The following ATP9A variants were observed in gnomAD, a reference collection of about 807,000 sequenced individuals.
ATP9A encodes the protein ATPase phospholipid transporting 9A.
Under a neutral mutation model 144.1 loss-of-function variants are expected in ATP9A, and 52 were observed. The observed-to-expected ratio is 0.36, with a 90% CI of 0.29 to 0.45. The LOEUF is 0.45. Among genes scored for constraint, ATP9A ranks in the 20% least tolerant of loss-of-function variants. ATP9A has a pLI of 1.00. For synonymous variants in ATP9A, 582 were observed against 557.4 expected (o/e 1.04, Z -0.62); for missense variants, 947 against 1,392.7 (o/e 0.68, Z 5.09).
At chr20:51,702,874 C>A (rs2077600111) in intron 4 of ATP9A, among the ~76,000 whole-genome samples, 1 of 152,118 alleles carries the variant, frequency 6.6e-6, no homozygotes, top group South Asian at 2.1e-4. Context: ...ACATTGATAG[C>A]AATTATTACC....
chr20:51,748,944 TAGATAGACAGAC>T (rs1427028051), intron 1 of ATP9A, among the ~76,000 whole-genome samples: 6 of 101,032 alleles, frequency 5.9e-5, no homozygotes, highest in East Asian at 2.9e-4. Flanking sequence ...GATAGATAGA[TAGATAGACAGAC>T]AGACAGACAG....
At chr20:51,651,852 C>T (rs2077368040) in intron 14 of ATP9A, among the ~76,000 whole-genome samples, 1 of 152,024 alleles carries the variant, frequency 6.6e-6, no homozygotes, top group Admixed American at 6.6e-5. Flanking sequence ...TGGTTTGAAC[C>T]CGGGAGGCGG....
intron 26 of ATP9A, 41 bp from the exon 27 acceptor site, chr20:51,605,061 C>T (rs759560530): frequency 7.2e-6 from 11 of 1,517,520 alleles, no homozygotes; most frequent in South Asian, 2.6e-5. Context: ...ACCCTCCCTG[C>T]GAAAGCCGTG....
At chr20:51,716,490 G>GA (rs11472238) in intron 3 of ATP9A, among the ~76,000 whole-genome samples, 85,400 of 137,684 alleles carry the variant, frequency 0.62, 26,280 homozygotes, top group African/African-American at 0.67. Context: ...ACCTGAAACA[G>GA]AAAAAAAAAA....
chr20:51,768,134 G>A (rs949317791), intron 1 of ATP9A, among the ~76,000 whole-genome samples, 168 bp downstream of exon 1: 2 of 151,750 alleles, frequency 1.3e-5, no homozygotes, highest in African/African-American at 2.4e-5. Context: ...GCCGCCCGGG[G>A]CTGAAGCGCA....
At chr20:51,695,900 T>G (rs935657282) in intron 6 of ATP9A, among the ~76,000 whole-genome samples, 193 bp downstream of exon 6, 2 of 152,310 alleles carry the variant, frequency 1.3e-5, no homozygotes, top group African/African-American at 2.4e-5. Flanking sequence ...TATTTTTTAA[T>G]GATCACAATC....
chr20:51,694,230 A>G, intron 6 of ATP9A, 128 bp from the exon 7 acceptor site: 1 of 635,622 alleles, frequency 1.6e-6, no homozygotes, highest in South Asian at 2.0e-5. Context: ...GAGAAAATAC[A>G]TATCCTATCT....
At chr20:51,608,867 A>G (rs865842688) in intron 24 of ATP9A, among the ~76,000 whole-genome samples, 3 of 151,564 alleles carry the variant, frequency 2.0e-5, no homozygotes, top group Non-Finnish European at 4.4e-5. Flanking sequence ...GGTAAACTCT[A>G]TGTGTGTTAG....
chr20:51,648,664 C>T (rs2077351808), intron 14 of ATP9A, among the ~76,000 whole-genome samples: 1 of 152,192 alleles, frequency 6.6e-6, no homozygotes, highest in Non-Finnish European at 1.5e-5. Context: ...ACCCCCATTG[C>T]TACAATAAAA....
At chr20:51,651,335 TAATATATTATATAATATATATTTACATTA>T (rs2077365242) in intron 14 of ATP9A, among the ~76,000 whole-genome samples, 2 of 141,236 alleles carry the variant, frequency 1.4e-5, no homozygotes, top group African/African-American at 2.6e-5. Flanking sequence ...TATATTTACA[TAATATATTATATAATATATATTTACATTA>T]TATATATTTC....
intron 3 of ATP9A, among the ~76,000 whole-genome samples, chr20:51,721,360 T>G (rs2077688189): frequency 6.6e-6 from 1 of 152,332 alleles, no homozygotes; most frequent in East Asian, 1.9e-4. Context: ...TCGGCTCATA[T>G]CTGTAATCCT....
chr20:51,666,419 G>A (rs116714202), intron 13 of ATP9A, among the ~76,000 whole-genome samples: 3,170 of 152,232 alleles, frequency 0.021, 114 homozygotes, highest in African/African-American at 0.071. Context: ...GGTGACTCAC[G>A]TCTGTAATCC....
At chr20:51,626,494 T>TTA (rs1555829897) in intron 17 of ATP9A, among the ~76,000 whole-genome samples, 1 of 133,982 alleles carries the variant, frequency 7.5e-6, no homozygotes, top group Non-Finnish European at 1.6e-5. Flanking sequence ...CTGTCACAAA[T>TTA]AAAAAAAAAA....
chr20:51,756,974 G>A (rs2077859210), intron 1 of ATP9A, among the ~76,000 whole-genome samples: 1 of 152,044 alleles, frequency 6.6e-6, no homozygotes, highest in South Asian at 2.1e-4. Flanking sequence ...CACTCAGTGA[G>A]TATCAGCTTC....
chr20:51,651,734 G>A (rs1006870932), intron 14 of ATP9A, among the ~76,000 whole-genome samples: 9 of 151,996 alleles, frequency 5.9e-5, no homozygotes, highest in Non-Finnish European at 1.2e-4. Context: ...TTTGAGACCA[G>A]CCTGGCCAGC....
intron 14 of ATP9A, among the ~76,000 whole-genome samples, chr20:51,656,294 G>A (rs148301210): frequency 9.3e-4 from 142 of 152,228 alleles, no homozygotes; most frequent in African/African-American, 2.0e-3. Flanking sequence ...ACTCACGCCT[G>A]TAATCCCAAC....
chr20:51,699,257 C>T (rs1211397), intron 4 of ATP9A, among the ~76,000 whole-genome samples: 14,156 of 147,472 alleles, frequency 0.096, 868 homozygotes, highest in South Asian at 0.19. Flanking sequence ...CGCTTGAACC[C>T]GGGAGGTGGA....
chr20:51,689,079 T>C lies in ATP9A; in HGVS notation c.784A>G (p.Thr262Ala). 32 of 1,614,118 alleles carry C rather than the reference T, an allele frequency of 2.0e-5. No individual in the cohort carries two copies. The highest frequency in any genetic ancestry group is 2.7e-5 in the Non-Finnish European group (32 of 1,180,014). Residue 262 changes from threonine (T) to alanine (A), a missense_variant, in exon 9 of 28, where the codon ACT becomes GCT. Thr to Ala is a moderately conservative substitution (Grantham distance 58). Around this residue, in one of 2 missense-constraint regions of ATP9A, gnomAD observed 770 missense variants for 1,047.9 expected, o/e 0.73. Coordinates refer to ENST00000338821, the MANE Select transcript of ATP9A (RefSeq NM_006045.3). ...GGCGCCTCACCTGATGCGACCACAG[T>C]GCCAGCCCACAGCGTGTTCTCTATG... ...LSIENTLWAG[T>A]VVASGTVVGV...
intron 14 of ATP9A, among the ~76,000 whole-genome samples, chr20:51,650,529 G>A (rs1394925412): frequency 2.0e-5 from 3 of 148,896 alleles, no homozygotes; most frequent in South Asian, 2.1e-4. Context: ...GTGAGACTCC[G>A]TCTCAAAAAA....
Sources: allele counts gnomAD v4.1 joint callset (sites outside exome capture counted in the v4.1 genomes callset), GRCh38; gene constraint gnomAD v4.1.1; regional missense constraint gnomAD v4.1.1; transcripts MANE v1.5; gene names NCBI Gene and HGNC (gene_info 2026-07-23, HGNC 2026-07-21).